DLG2: variants seen among roughly 807,000 people sequenced by gnomAD.
The protein encoded by DLG2 is disks large homolog 2.
Under a neutral mutation model 132.5 loss-of-function variants are expected in DLG2, and 45 were observed. The ratio of observed to expected loss-of-function variants is 0.34; its 90% confidence interval spans 0.27 to 0.44. DLG2 has a LOEUF of 0.44. Ranked by LOEUF, DLG2 falls within the 20% of genes least tolerant of loss-of-function variation. The pLI is 1.00. For synonymous variants in DLG2, 424 were observed against 419.6 expected (o/e 1.01, Z -0.13); for missense variants, 1,045 against 1,196.9 (o/e 0.87, Z 1.87).
intron 3 of DLG2, among the ~76,000 whole-genome samples, chr11:85,439,654 C>G (rs1463129586): frequency 6.6e-6 from 1 of 152,044 alleles, no homozygotes; most frequent in Non-Finnish European, 1.5e-5. Context: ...CCACCGCGCC[C>G]GGCCTGTTTC....
intron 6 of DLG2, among the ~76,000 whole-genome samples, chr11:84,700,578 A>G (rs772012689): frequency 1.3e-5 from 2 of 151,564 alleles, no homozygotes; most frequent in Non-Finnish European, 3.0e-5. Context: ...TGGTAACATT[A>G]CATTTAAAAA....
intron 6 of DLG2, among the ~76,000 whole-genome samples, chr11:84,882,069 C>A (rs1185980223): frequency 6.6e-6 from 1 of 152,038 alleles, no homozygotes; most frequent in African/African-American, 2.4e-5. Flanking sequence ...GGAATTCTTG[C>A]TGATTCTAAA....
chr11:83,817,193 T>C (rs929356068), intron 17 of DLG2, among the ~76,000 whole-genome samples: 7 of 152,140 alleles, frequency 4.6e-5, no homozygotes, highest in African/African-American at 1.7e-4. Flanking sequence ...AGTGCTGTCA[T>C]AGGAAGAGTA....
chr11:85,021,095 CT>C (rs1340804221), intron 6 of DLG2: 2 of 777,812 alleles, frequency 2.6e-6, no homozygotes, highest in African/African-American at 3.4e-5. Flanking sequence ...TGGTCAACTC[CT>C]TCTTAATTGC....
intron 18 of DLG2, among the ~76,000 whole-genome samples, chr11:83,722,512 T>C (rs2088884737): frequency 6.6e-6 from 1 of 151,940 alleles, no homozygotes; most frequent in African/African-American, 2.4e-5. Flanking sequence ...CTGAGGAAAA[T>C]GCAAATCTCT....
At chr11:85,071,704 G>GA (rs1047891124) in intron 6 of DLG2, among the ~76,000 whole-genome samples, 3 of 151,616 alleles carry the variant, frequency 2.0e-5, no homozygotes, top group Non-Finnish European at 4.4e-5. Flanking sequence ...CTTGTATCTT[G>GA]AAAAAAATCA....
At chr11:85,156,629 G>A (rs1339379075) in intron 4 of DLG2, among the ~76,000 whole-genome samples, 2 of 152,180 alleles carry the variant, frequency 1.3e-5, no homozygotes, top group Non-Finnish European at 2.9e-5. Flanking sequence ...GATGTACATA[G>A]TAAGGACCTG....
intron 18 of DLG2, among the ~76,000 whole-genome samples, chr11:83,687,312 C>G (rs2079976919): frequency 6.6e-6 from 1 of 152,158 alleles, no homozygotes; most frequent in South Asian, 2.1e-4. Context: ...GAAATCGCAG[C>G]TGAGAAAAGT....
intron 4 of DLG2, among the ~76,000 whole-genome samples, chr11:85,265,815 G>T (rs55814754): frequency 0.01 from 1,559 of 152,308 alleles, 18 homozygotes; most frequent in African/African-American, 0.034. Context: ...GAGGAGAGAG[G>T]CAGAGAGATA....
rs1366755489 is a variant in DLG2, at chr11:84,168,459, T to C, written c.574-4948A>G. Among the ~76,000 whole-genome samples, 4 of 152,224 alleles carry C rather than the reference T, an allele frequency of 2.6e-5. No individual in the cohort carries two copies. The East Asian group carries it at 7.7e-4, about 29-fold the overall frequency. On this transcript the variant is annotated intron_variant, in intron 8 of 27. Transcript: ENST00000376104. The stretch of plus-strand genomic sequence containing the variant: ...CTACAATTGGACTTTGGGAGGAATG[T>C]GATCATCATGCAAATTGGGACCTCC...
chr11:85,182,901 G>A (rs2079817417), intron 4 of DLG2, among the ~76,000 whole-genome samples: 1 of 150,368 alleles, frequency 6.7e-6, no homozygotes, highest in African/African-American at 2.4e-5. Context: ...TGTTCCAGCA[G>A]AGAAATTCTA....
intron 15 of DLG2, among the ~76,000 whole-genome samples, chr11:83,901,878 T>C (rs976817125): frequency 2.0e-5 from 3 of 152,136 alleles, no homozygotes; most frequent in East Asian, 1.9e-4. Context: ...GAAAAATAAG[T>C]CTTCATGATT....
At chr11:85,119,316 T>G (rs1340374542) in intron 5 of DLG2, among the ~76,000 whole-genome samples, 1 of 151,984 alleles carries the variant, frequency 6.6e-6, no homozygotes, top group African/African-American at 2.4e-5. Context: ...TAATATGGTA[T>G]TTTAGTATTT....
chr11:85,497,804 C>T (rs1285796175), intron 3 of DLG2, among the ~76,000 whole-genome samples: 2 of 152,160 alleles, frequency 1.3e-5, no homozygotes, highest in Admixed American at 6.5e-5. Context: ...AATTTTCAAT[C>T]CAGAATTTCA....
chr11:84,131,498 A>T (rs1337002460), intron 9 of DLG2, among the ~76,000 whole-genome samples: 1 of 151,848 alleles, frequency 6.6e-6, no homozygotes, highest in South Asian at 2.1e-4. Flanking sequence ...TGTTTCTTTC[A>T]CCCTATAGAA....
intron 6 of DLG2, among the ~76,000 whole-genome samples, chr11:85,090,212 AAAAC>A (rs777588407): frequency 2.0e-5 from 3 of 152,196 alleles, no homozygotes; most frequent in Admixed American, 2.0e-4. Flanking sequence ...TTCAAAACAA[AAAAC>A]AAACAAACAA....
intron 3 of DLG2, among the ~76,000 whole-genome samples, chr11:85,406,121 CA>C (rs1417221676): frequency 6.6e-6 from 1 of 151,788 alleles, no homozygotes; most frequent in African/African-American, 2.4e-5. Flanking sequence ...ACAACTTATA[CA>C]GAGGGTAGAC....
rs147599359 is a variant in DLG2 at position 84,033,519 on chromosome 11, C to T, written c.919+25796G>A. On this transcript the variant is annotated intron_variant, in intron 11 of 27. Coordinates refer to ENST00000376104, the MANE Select transcript of DLG2 (RefSeq NM_001142699.3). ...TGGTTTCTTGAGATGGAACCTACTC[C>T]TCTGGTGAAGATGTGAATATTGTTG... 9.2e-5 allele frequency among the ~76,000 whole-genome samples: 14 copies of T among 152,264 alleles called. 1 individual carries two copies. The East Asian group carries it at 2.3e-3, about 25-fold the overall frequency.
At chr11:84,673,464 G>T (rs1161753947) in intron 6 of DLG2, among the ~76,000 whole-genome samples, 1 of 151,848 alleles carries the variant, frequency 6.6e-6, no homozygotes, top group Non-Finnish European at 1.5e-5. Context: ...TATACAGAGG[G>T]TGGGTAAGGG....
Sources: gnomAD v4.1 joint callset for allele counts (sites outside exome capture counted in the v4.1 genomes callset) on GRCh38, gnomAD v4.1.1 for gene constraint, MANE v1.5 for transcripts, NCBI Gene and HGNC (gene_info 2026-07-23, HGNC 2026-07-21) for gene names.